RBL2: variants seen among roughly 807,000 people sequenced by gnomAD.
RBL2 encodes retinoblastoma-like protein 2.
Under a neutral mutation model 126.0 loss-of-function variants are expected in RBL2, and 56 were observed. The ratio of observed to expected loss-of-function variants is 0.44; its 90% CI spans 0.36 to 0.56. RBL2 has a LOEUF of 0.56. RBL2 is among the 20% of genes least tolerant of loss of function. The pLI, the probability that RBL2 is intolerant of heterozygous loss-of-function variation, is 0.00. For missense variants in RBL2, 1,229 were observed against 1,398.2 expected (o/e 0.88, Z 1.93); for synonymous variants, 454 against 478.5 (o/e 0.95, Z 0.67).
Position 53,465,407 on chromosome 16 carries a change from A to T in RBL2, c.1699-31A>T, listed in dbSNP as rs528534105. 8.2e-6 allele frequency: 11 copies of T among 1,342,942 alleles called. No homozygotes were observed. In the South Asian group the frequency reaches 2.1e-4, roughly 26 times the overall value. The allele number at this position is 1,342,942 out of a possible 1,614,324, so 83.2% of individuals were successfully genotyped here. A position where few individuals can be genotyped will look rare whatever the true frequency, so the allele number is the denominator to read the frequency against. The stretch of plus-strand genomic sequence containing the variant: ...AAATATTTAAAAATATTTAATAATT[A>T]TTCAGTGAACCAAGACATTTTTTAT... On this transcript the variant is annotated intron_variant, in intron 12 of 21. Coordinates refer to ENST00000262133, the MANE Select transcript of RBL2 (RefSeq NM_005611.4).
At chr16:53,476,334 T>C (rs1960727955) in intron 17 of RBL2, among the ~76,000 whole-genome samples, 1 of 152,212 alleles carries the variant, frequency 6.6e-6, no homozygotes, top group African/African-American at 2.4e-5. Flanking sequence ...TCTACTTTCA[T>C]TGTGATTGAA....
chr16:53,471,605 A>G (rs1314986131), intron 17 of RBL2, among the ~76,000 whole-genome samples: 1 of 151,864 alleles, frequency 6.6e-6, no homozygotes, highest in Non-Finnish European at 1.5e-5. Flanking sequence ...AGTAGCTGGG[A>G]TTACAGCCAT....
At position 53,481,175 on chromosome 16, in the gene RBL2, T is replaced by C. The variant is rs566772868; in HGVS notation, c.3084+406T>C. ...CTCTGTCTCATAAATAAGCTAGTTT[T>C]ACAAATAATTCTATTAAGTAAAACT... On this transcript the variant is annotated intron_variant, in intron 20 of 21. Coordinates refer to ENST00000262133, the MANE Select transcript of RBL2 (RefSeq NM_005611.4). 67 of 175,130 alleles carry C rather than the reference T, an allele frequency of 3.8e-4. 2 individuals are homozygous for C. In the South Asian group the frequency reaches 8.4e-3, roughly 22 times the overall value. The allele number at this position is 175,130 out of a possible 1,614,324, so 10.8% of individuals were successfully genotyped here.
At chr16:53,452,186 GT>G (rs1419718749) in intron 5 of RBL2, among the ~76,000 whole-genome samples, 4 of 152,168 alleles carry the variant, frequency 2.6e-5, no homozygotes, top group Non-Finnish European at 5.9e-5. Context: ...AAAAGAATTT[GT>G]TGAAAGAATC....
At position 53,490,994 on chromosome 16, in the gene RBL2, A is replaced by G. The variant is rs954750941; in HGVS notation, c.*694A>G. On this transcript the variant is annotated 3_prime_UTR_variant, in exon 22 of 22. Coordinates refer to ENST00000262133, the MANE Select transcript of RBL2 (RefSeq NM_005611.4). ...CCAGATTTTGCTGTATATTTGTGAT[A>G]GCACTTTCTACAATGTGAACTTTAT... 6.6e-6 allele frequency: 1 copy of G among 152,640 alleles called. No homozygotes were observed. Among genetic ancestry groups the G allele is most frequent in the Non-Finnish European group, 1.5e-5 (1 of 68,044 alleles). The allele number at this position is 152,640 out of a possible 1,614,324, so 9.5% of individuals were successfully genotyped here.
In RBL2 at chr16:53,434,655, C is replaced by G. The variant is rs749828478; in HGVS notation, c.99C>G (p.Asp33Glu). 2 of 1,561,822 alleles carry G rather than the reference C, an allele frequency of 1.3e-6. No individual in the cohort carries two copies. The highest frequency in any genetic ancestry group is 2.3e-5 in the South Asian group (2 of 85,976). Reference protein sequence around the residue: ...EEEEDDGEAEDAAPPAESPTP... With the variant: ...EEEEDDGEAEEAAPPAESPTP... ...AGGAGGACGACGGCGAGGCGGAAGA[C>G]GCCGCGCCGCCTGCCGAGTCGCCCA... Residue 33 changes from aspartate to glutamate, a missense_variant, in exon 1 of 22, where the codon GAC becomes GAG. Transcript: ENST00000262133.
chr16:53,443,140 C>T, intron 3 of RBL2: 1 of 174,368 alleles, frequency 5.7e-6, no homozygotes, highest in Non-Finnish European at 1.2e-5. Flanking sequence ...GATCCTTGTT[C>T]TGAAACCTTC....
intron 10 of RBL2, among the ~76,000 whole-genome samples, chr16:53,462,088 T>C (rs183804570): frequency 2.0e-5 from 3 of 152,336 alleles, no homozygotes; most frequent in Admixed American, 2.0e-4. Flanking sequence ...TGCAAATCTT[T>C]AGGTTTTTTT....
intron 11 of RBL2, among the ~76,000 whole-genome samples, chr16:53,463,862 C>T (rs7189726): frequency 0.28 from 42,264 of 151,980 alleles, 6,162 homozygotes; most frequent in Middle Eastern, 0.38. Flanking sequence ...CCACTGCGCC[C>T]GGTCCCCCTT....
intron 1 of RBL2, among the ~76,000 whole-genome samples, 173 bp from the exon 2 acceptor site, chr16:53,438,843 C>CAAAAA (rs11302382): frequency 1.3e-4 from 4 of 30,532 alleles, no homozygotes; most frequent in Non-Finnish European, 1.9e-4. Context: ...GATTCCATCT[C>CAAAAA]AAAAAAAAAA....
In RBL2 at chr16:53,480,603, G is replaced by A. The variant is rs1960903944; in HGVS notation, c.2918G>A (p.Ser973Asn). 6.2e-7 allele frequency: 1 copy of A among 1,613,876 alleles called. No homozygotes were observed. Among genetic ancestry groups the A allele is most frequent in the African/African-American group, 1.3e-5 (1 of 74,888 alleles). ...TCCAGTCCAGTTATGAGGTCAAGCA[G>A]CACCTTGCCAGTTCCACAGCCCAGC... is the stretch of plus-strand genomic sequence containing the variant. ...RDSSPVMRSS[S>N]TLPVPQPSSA... Residue 973 changes from serine (S) to asparagine (N), a missense_variant, in exon 20 of 22, where the codon AGC (serine) becomes AAC (asparagine). This residue lies in a region of RBL2 where 1,070 missense variants were observed against 1,274.3 expected (regional missense o/e 0.84). Coordinates refer to ENST00000262133, the MANE Select transcript of RBL2 (RefSeq NM_005611.4).
At position 53,479,975 on chromosome 16, in the gene RBL2, A is replaced by T. The variant is rs1027636438; in HGVS notation, c.2865A>T (p.Glu955Asp). Residue 955 changes from glutamate (E) to aspartate (D), a missense_variant, in exon 19 of 22, where the codon GAA (glutamate) becomes GAT (aspartate). Transcript: ENST00000262133. The part of the protein sequence containing the change: ...DSRSHQNSPT[E>D]LNKDRTSRDS... ...GAAGCCATCAGAATTCTCCAACAGAACTAAACAAAGATAGAAGTAAGTGGG... is the reference window on the plus strand; with the variant it reads ...GAAGCCATCAGAATTCTCCAACAGATCTAAACAAAGATAGAAGTAAGTGGG... 11 of 1,601,976 alleles carry T rather than the reference A, an allele frequency of 6.9e-6. No individual in the cohort carries two copies. Among genetic ancestry groups the T allele is most frequent in the Non-Finnish European group, 9.4e-6 (11 of 1,172,810 alleles).
intron 21 of RBL2, chr16:53,488,636 A>G (rs948220623): frequency 6.6e-5 from 10 of 152,240 alleles, no homozygotes; most frequent in African/African-American, 2.4e-4. Flanking sequence ...ACGTACTAAC[A>G]TTTAGACTAC....
At chr16:53,460,212 T>C (rs1366093086) in intron 9 of RBL2, among the ~76,000 whole-genome samples, 1 of 152,208 alleles carries the variant, frequency 6.6e-6, no homozygotes, top group East Asian at 1.9e-4. Flanking sequence ...ATGCATAACC[T>C]TTGGCAAGTT....
chr16:53,440,953 C>CTTTTTTTTTTTTTTTTTTT (rs1178378934), intron 2 of RBL2, among the ~76,000 whole-genome samples: 1 of 71,672 alleles, frequency 1.4e-5, no homozygotes, highest in African/African-American at 5.9e-5. Context: ...TTTTTCAGTT[C>CTTTTTTTTTTTTTTTTTTT]TTTTTTTTTT....
At chr16:53,442,914 A>C in intron 3 of RBL2, 56 bp downstream of exon 3, 1 of 1,234,282 alleles carries the variant, frequency 8.1e-7, no homozygotes. Flanking sequence ...TGCAGTGTTG[A>C]TATTCTGCTA....
intron 20 of RBL2, chr16:53,481,391 C>A (rs74017235): frequency 6.7e-6 from 2 of 300,494 alleles, no homozygotes; most frequent in Non-Finnish European, 1.2e-5. Context: ...CTCATTTCCT[C>A]ATATATAAAA....
chr16:53,482,262 A>G lies in RBL2; in HGVS notation c.3249+427A>G, dbSNP rs530577884. Among the ~76,000 whole-genome samples, 5 of 152,350 alleles carry G rather than the reference A, an allele frequency of 3.3e-5. No homozygotes were observed. The East Asian group carries it at 7.7e-4, about 24-fold the overall frequency. On this transcript the variant is annotated intron_variant, in intron 21 of 21. Coordinates refer to ENST00000262133, the MANE Select transcript of RBL2 (RefSeq NM_005611.4). ...TTTTTGACATTGCAGTGCAATAGTC[A>G]TATTAGCACAGATGTATGTGGCAAC...
chr16:53,454,320 T>A (rs1013997204), intron 7 of RBL2: 1 of 416,228 alleles, frequency 2.4e-6, no homozygotes, highest in African/African-American at 2.1e-5. Context: ...TTCTTCTGCC[T>A]CAGCCTCCTG....
Sources: gnomAD v4.1 joint callset for allele counts (sites outside exome capture counted in the v4.1 genomes callset) on GRCh38, gnomAD v4.1.1 for gene constraint, gnomAD v4.1.1 regional missense constraint, MANE v1.5 for transcripts, NCBI Gene and HGNC (gene_info 2026-07-23, HGNC 2026-07-21) for gene names.